Variants in PRAMEF18 observed in about 807,000 individuals in gnomAD.
PRAMEF18 encodes PRAME family member-like.
Under a neutral mutation model 23.7 loss-of-function variants are expected in PRAMEF18, and 15 were observed. The observed-to-expected ratio is 0.63, with a 90% CI of 0.42 to 0.97. The LOEUF (loss-of-function observed/expected upper bound fraction) is 0.97, where lower values mean the gene tolerates loss of function less well. Ranked by LOEUF, PRAMEF18 falls within the 50% of genes least tolerant of loss-of-function variation. The pLI is 0.00. For missense variants in PRAMEF18, 223 were observed against 418.6 expected (o/e 0.53, Z 4.08); for synonymous variants, 78 against 159.9 (o/e 0.49, Z 3.86).
At chr1:13,225,183 G>T in exon 2 of PRAMEF18, 1 of 1,612,338 alleles carries the variant, frequency 6.2e-7, no homozygotes, top group Non-Finnish European at 8.5e-7. Context: ...GTACAGCACA[G>T]GTGTACTGAA....
intron 2 of PRAMEF18, chr1:13,224,537 T>C: frequency 2.0e-6 from 1 of 512,622 alleles, no homozygotes; most frequent in East Asian, 3.6e-5. Context: ...TTTTTTATCA[T>C]ATTAACTTTA....
At chr1:13,223,440 T>C in exon 3 of PRAMEF18, 1 of 1,225,196 alleles carries the variant, frequency 8.2e-7, no homozygotes, top group Non-Finnish European at 1.1e-6. Context: ...TGGGCTCCCT[T>C]ACTTCCCTCA....
upstream of PRAMEF18, chr1:13,226,151 T>C (rs1391194822): frequency 7.4e-6 from 12 of 1,611,916 alleles, no homozygotes; most frequent in East Asian, 2.2e-5. Context: ...GACAAACTTA[T>C]CAGGCCAGTC....
exon 2 of PRAMEF18, chr1:13,224,905 A>G: frequency 1.2e-6 from 2 of 1,614,072 alleles, no homozygotes; most frequent in Non-Finnish European, 1.7e-6. Context: ...TTCTTACATA[A>G]AGCATCTGGA....
exon 2 of PRAMEF18, chr1:13,225,059 A>T: frequency 3.1e-6 from 5 of 1,614,182 alleles, no homozygotes; most frequent in Non-Finnish European, 4.2e-6. Context: ...AAACTCTACT[A>T]TCATACACAG....
Position 13,223,374 on chromosome 1 carries a change from C to T in PRAMEF18, c.1398G>A (p.Glu466=), listed in dbSNP as rs1239002650. The T allele has an allele frequency of 2.7e-5, 31 of 1,165,148 alleles. 10 individuals carry two copies. In the Middle Eastern group the frequency reaches 1.3e-3, roughly 50 times the overall value. 72.2% of individuals were successfully genotyped at this position (1,165,148 alleles called of 1,614,324 possible). A position where few individuals can be genotyped will look rare whatever the true frequency, so the allele number is the denominator to read the frequency against. Residue 466 remains glutamate (E), a synonymous_variant, in exon 3 of 3, where the codon GAG becomes GAA. Coordinates refer to ENST00000624297, the Ensembl canonical transcript of PRAMEF18. ...ACAAGCAAAAATTGGACTCCAGTTG[C>T]TCAGTGGGCGACGTGCCACAGCAAG...
exon 2 of PRAMEF18, chr1:13,224,979 T>C (rs377244366): frequency 6.2e-7 from 1 of 1,614,014 alleles, no homozygotes; most frequent in African/African-American, 1.3e-5. Flanking sequence ...CTGTCAGAGC[T>C]TAGCAGGTAA....
chr1:13,224,872 G>T, exon 2 of PRAMEF18: 3 of 1,614,026 alleles, frequency 1.9e-6, no homozygotes, highest in Non-Finnish European at 2.5e-6. Flanking sequence ...GCTGGTCCAG[G>T]TGGCCTCTGA....
exon 2 of PRAMEF18, chr1:13,224,964 C>G (rs1569663930): frequency 6.2e-7 from 1 of 1,614,124 alleles, no homozygotes; most frequent in Non-Finnish European, 8.5e-7. Flanking sequence ...ACTAACTGTT[C>G]TTGGCTGTCA....
At chr1:13,225,728 A>G (rs1258051583) in intron 1 of PRAMEF18, 92 bp downstream of exon 1, 5 of 1,611,932 alleles carry the variant, frequency 3.1e-6, no homozygotes, top group Non-Finnish European at 4.2e-6. Flanking sequence ...TGGCACCATC[A>G]GAAGCCCCTG....
exon 2 of PRAMEF18, chr1:13,224,920 C>T: frequency 5.0e-6 from 8 of 1,614,082 alleles, no homozygotes; most frequent in Non-Finnish European, 5.9e-6. Context: ...TCTGGAGGTT[C>T]TCCAGCCTGA....
exon 2 of PRAMEF18, chr1:13,224,941 G>A (rs1257690232): frequency 1.2e-6 from 2 of 1,613,986 alleles, no homozygotes; most frequent in Non-Finnish European, 1.7e-6. Flanking sequence ...GGAGCACAGA[G>A]CTGAATTCAG....
At chr1:13,224,888 C>T (rs1355509440) in exon 2 of PRAMEF18, 1 of 1,613,938 alleles carries the variant, frequency 6.2e-7, no homozygotes, top group Non-Finnish European at 8.5e-7. Context: ...TCTGAAGAAG[C>T]AGACCCTTCT....
At chr1:13,225,983 C>T (rs1173832945) in exon 1 of PRAMEF18, 1 of 1,614,194 alleles carries the variant, frequency 6.2e-7, no homozygotes, top group Non-Finnish European at 8.5e-7. Context: ...GTGAAGGCCT[C>T]CACGAACAGT....
chr1:13,225,108 C>T (rs1243074054), exon 2 of PRAMEF18: 2 of 1,613,824 alleles, frequency 1.2e-6, no homozygotes, highest in African/African-American at 1.3e-5. Context: ...TGGATACTGT[C>T]TGGGTATACT....
Position 13,225,171 on chromosome 1 carries a change from T to C in PRAMEF18, c.550A>G (p.Lys184Glu), listed in dbSNP as rs867060966. 399 of 1,612,338 alleles carry C rather than the reference T, an allele frequency of 2.5e-4. 2 individuals are homozygous for C. The African/African-American group carries it at 4.6e-3, about 19-fold the overall frequency. ...ATGCTCATTGAATAATTCACCACCT[T>C]AGTACAGCACAGGTGTACTGAACCT... is the stretch of plus-strand genomic sequence containing the variant. The change falls in exon 2 of 3, where the codon AAG becomes GAG. Residue 184 changes from lysine to glutamate, a missense_variant. Physicochemically the swap from Lys to Glu is moderately conservative, Grantham distance 56. This residue lies in a region of PRAMEF18 where 160 missense variants were observed against 130.8 expected (regional missense o/e 1.22). Coordinates refer to ENST00000624297, the Ensembl canonical transcript of PRAMEF18.
chr1:13,225,901 A>T, exon 1 of PRAMEF18: 1 of 1,614,312 alleles, frequency 6.2e-7, no homozygotes, highest in Non-Finnish European at 8.5e-7. Context: ...CGTCTTCATC[A>T]GGGACCCCAG....
At chr1:13,224,744 C>T in intron 2 of PRAMEF18, 111 bp downstream of exon 2, 9 of 1,580,844 alleles carry the variant, frequency 5.7e-6, no homozygotes, top group Non-Finnish European at 7.7e-6. Context: ...CTAGTGTCCC[C>T]TTCCCTAGAC....
Position 13,223,354 on chromosome 1 carries a change from CA to C in PRAMEF18, c.1417del (p.Cys473AlafsTer13), listed in dbSNP as rs1365927199. ...CCACTAGGCAGGCCTTCCCCACAAG[CA>C]AAAATTGGACTCCAGTTGCTCAGTG... On this transcript the variant is annotated frameshift_variant, in exon 3 of 3. Transcript: ENST00000624297. LOFTEE classifies it high-confidence loss of function. 2 of 566,208 alleles carry C rather than the reference CA, an allele frequency of 3.5e-6. No individual in the cohort carries two copies. Among genetic ancestry groups the C allele is most frequent in the East Asian group, 1.7e-4 (2 of 11,470 alleles). The allele number at this position is 566,208 out of a possible 1,614,324, so 35.1% of individuals were successfully genotyped here.
Sources: gnomAD v4.1 joint callset for allele counts on GRCh38, gnomAD v4.1.1 for gene constraint, gnomAD v4.1.1 regional missense constraint, MANE v1.5 for transcripts, NCBI Gene and HGNC (gene_info 2026-07-23, HGNC 2026-07-21) for gene names.